Variants in SERAC1 observed in about 807,000 individuals in gnomAD.
SERAC1 encodes serine active site containing 1, also known as protein SERAC1.
A neutral mutation model predicts 85.7 loss-of-function variants in SERAC1; 36 were observed. The ratio of observed to expected loss-of-function variants is 0.42; its 90% confidence interval spans 0.32 to 0.55. The LOEUF is 0.55. Ranked by LOEUF, SERAC1 falls within the 20% of genes least tolerant of loss-of-function variation. The probability of loss-of-function intolerance (pLI) is 0.11; values close to 1 mark genes in which losing one functional copy is unlikely to be tolerated. For synonymous variants in SERAC1, 242 were observed against 265.3 expected, an observed-to-expected ratio of 0.91 and a Z score of 0.85; for missense variants, 629 against 796.2, an observed-to-expected ratio of 0.79 and a Z score of 2.53.
At position 158,109,770 on chromosome 6, in the gene SERAC1, T is replaced by C. The variant is rs981171626; in HGVS notation, c.*1596A>G. On this transcript the variant is annotated 3_prime_UTR_variant, in exon 17 of 17. Coordinates refer to ENST00000647468, the MANE Select transcript of SERAC1 (RefSeq NM_032861.4). ...ACCTAGATGTCCATCAGCTGATGAA[T>C]GGATAAAGAAACATGGCATATCATA... The C allele has an allele frequency of 6.6e-6, 1 of 152,120 alleles. No individual in the cohort carries two copies. The highest frequency in any genetic ancestry group is 2.4e-5 in the African/African-American group (1 of 41,398). 9.4% of individuals were successfully genotyped at this position (152,120 alleles called of 1,614,324 possible). A position where few individuals can be genotyped will look rare whatever the true frequency, so the allele number is the denominator to read the frequency against.
In SERAC1 at chr6:158,124,768, CACACACACACACACACACACAT is replaced by C. The variant is rs1317821495; in HGVS notation, c.1015+3318_1015+3339del. On this transcript the variant is annotated intron_variant, in intron 10 of 16. Transcript: ENST00000647468. ...TGGAAAACACACACACACACACACA[CACACACACACACACACACACAT>C]ACACACTCAACAAAGAATACTTTAT... 4.6e-3 allele frequency among the ~76,000 whole-genome samples: 579 copies of C among 126,550 alleles called. 5 individuals are homozygous for C. The highest frequency in any genetic ancestry group is 0.017 in the African/African-American group (551 of 31,672). The allele number at this position is 126,550 out of a possible 152,430, so 83.0% of individuals were successfully genotyped here.
At chr6:158,129,668 G>A (rs1272200375) in intron 9 of SERAC1, among the ~76,000 whole-genome samples, 1 of 151,050 alleles carries the variant, frequency 6.6e-6, no homozygotes, top group Non-Finnish European at 1.5e-5. Context: ...CAAGAGTATA[G>A]TCATCTAATA....
intron 2 of SERAC1, among the ~76,000 whole-genome samples, 180 bp downstream of exon 2, chr6:158,158,092 GA>G (rs1218166962): frequency 6.6e-6 from 1 of 152,134 alleles, no homozygotes; most frequent in Non-Finnish European, 1.5e-5. Flanking sequence ...TAATTCTCAA[GA>G]AAAAGGAGTA....
chr6:158,156,816 ATAATATAT>A (rs1376180927), intron 2 of SERAC1, among the ~76,000 whole-genome samples: 2 of 138,294 alleles, frequency 1.4e-5, no homozygotes, highest in African/African-American at 2.7e-5. Context: ...ATATATTTAT[ATAATATAT>A]TAATATATTA....
rs1784315703 is a variant in SERAC1, at chr6:158,117,422, AC to A, written c.1403+304del. 1.0e-5 allele frequency: 13 copies of A among 1,241,368 alleles called. No homozygotes were observed. The highest frequency in any genetic ancestry group is 2.6e-5 in the East Asian group (1 of 39,192). 76.9% of individuals were successfully genotyped at this position (1,241,368 alleles called of 1,614,324 possible). A position where few individuals can be genotyped will look rare whatever the true frequency, so the allele number is the denominator to read the frequency against. On this transcript the variant is annotated intron_variant, in intron 13 of 16. Coordinates refer to ENST00000647468, the MANE Select transcript of SERAC1 (RefSeq NM_032861.4). This position sits in a 1 kb window ranked among gnomAD's most constrained non-coding sequence, Gnocchi z 4.3. ...TGATTGTGGACACAAGAACAAAAAA[AC>A]ATCACTTTTACTTCTGATAGAAAAG... is the stretch of plus-strand genomic sequence containing the variant.
At chr6:158,149,074 C>T (rs1048613033) in intron 4 of SERAC1, 120 bp from the exon 5 acceptor site, 2 of 654,642 alleles carry the variant, frequency 3.1e-6, no homozygotes, top group African/African-American at 1.9e-5. Context: ...ACTGCAAGCT[C>T]TGCCTCCCGG....
At chr6:158,132,345 T>A (rs1028044792) in intron 8 of SERAC1, among the ~76,000 whole-genome samples, 1 of 152,186 alleles carries the variant, frequency 6.6e-6, no homozygotes, top group Non-Finnish European at 1.5e-5. Context: ...ATAATATTAT[T>A]TTTTTCTAAA....
intron 5 of SERAC1, among the ~76,000 whole-genome samples, chr6:158,148,343 T>C (rs1187278700): frequency 6.6e-6 from 1 of 152,186 alleles, no homozygotes; most frequent in Non-Finnish European, 1.5e-5. Context: ...ATAGGGTATA[T>C]TTTATCTCCA....
intron 13 of SERAC1, chr6:158,116,523 C>T (rs1784294557): frequency 2.2e-6 from 1 of 447,060 alleles, no homozygotes; most frequent in East Asian, 4.1e-5. Flanking sequence ...TAGGCATGAG[C>T]CACCACGCCT....
At chr6:158,137,678 C>G (rs1367332774) in intron 8 of SERAC1, among the ~76,000 whole-genome samples, 1 of 152,036 alleles carries the variant, frequency 6.6e-6, no homozygotes, top group Non-Finnish European at 1.5e-5. Flanking sequence ...GAGTTCGAGA[C>G]CAGCCTGGGC....
In SERAC1 at chr6:158,119,915, A is replaced by T. The variant is rs1208870026; in HGVS notation, c.1166+510T>A. ...TATACAACTAGATATAATGACCACA[A>T]ATAACCTTAAGAAGGGGCATGAGTC... On this transcript the variant is annotated intron_variant, in intron 11 of 16. Coordinates refer to ENST00000647468, the MANE Select transcript of SERAC1 (RefSeq NM_032861.4). This position sits in a 1 kb window ranked among gnomAD's most constrained non-coding sequence, Gnocchi z 4.5. 6.6e-6 allele frequency among the ~76,000 whole-genome samples: 1 copy of T among 152,210 alleles called. No individual in the cohort carries two copies. The highest frequency in any genetic ancestry group is 3.2e-3 in the Middle Eastern group (1 of 316).
intron 2 of SERAC1, among the ~76,000 whole-genome samples, chr6:158,155,744 G>C (rs964163660): frequency 7.2e-5 from 11 of 152,120 alleles, no homozygotes; most frequent in Non-Finnish European, 1.3e-4. Context: ...ATCACTACTA[G>C]GACTATACTG....
At chr6:158,150,627 A>C in intron 3 of SERAC1, 38 bp from the exon 4 acceptor site, 2 of 1,365,574 alleles carry the variant, frequency 1.5e-6, no homozygotes, top group African/African-American at 1.4e-5. Context: ...TAAATAGACA[A>C]TCAAAATGTA....
At chr6:158,115,597 C>T (rs963887136) in intron 14 of SERAC1, among the ~76,000 whole-genome samples, 4 of 152,176 alleles carry the variant, frequency 2.6e-5, no homozygotes, top group Non-Finnish European at 5.9e-5. Flanking sequence ...AACTAGGCCA[C>T]GGGCTGCAGA....
intron 6 of SERAC1, chr6:158,145,915 A>G (rs894296894): frequency 2.8e-4 from 42 of 152,310 alleles, no homozygotes; most frequent in African/African-American, 9.9e-4. Flanking sequence ...CAGAGAAGAT[A>G]TGAGTTCTTT....
chr6:158,125,333 A>C (rs1332067584), intron 10 of SERAC1, among the ~76,000 whole-genome samples: 2 of 152,228 alleles, frequency 1.3e-5, no homozygotes, highest in Non-Finnish European at 2.9e-5. Flanking sequence ...AAATTTTTAA[A>C]TAAAAAAATA....
chr6:158,114,701 T>TAATACATTCAAGGAATATAAAATGAGAA, intron 15 of SERAC1, 88 bp downstream of exon 15: 4 of 1,592,180 alleles, frequency 2.5e-6, no homozygotes, highest in Non-Finnish European at 3.4e-6. Context: ...TAAAATGAGA[T>TAATACATTCAAGGAATATAAAATGAGAA]AATACATTCA....
intron 15 of SERAC1, 89 bp downstream of exon 15, chr6:158,114,700 A>ATAATACATTCAAGGAATATAAAATGAGG (rs748054392): frequency 6.3e-7 from 1 of 1,591,792 alleles, no homozygotes; most frequent in Non-Finnish European, 8.6e-7. Flanking sequence ...ATAAAATGAG[A>ATAATACATTCAAGGAATATAAAATGAGG]TAATACATTC....
chr6:158,127,050 CA>C (rs35185078), intron 10 of SERAC1, among the ~76,000 whole-genome samples: 104,651 of 143,800 alleles, frequency 0.73, 37,371 homozygotes, highest in Admixed American at 0.81. Context: ...GAGATTCTCT[CA>C]AAAAAAAAAA....
Sources: gnomAD v4.1 joint callset for allele counts (sites outside exome capture counted in the v4.1 genomes callset) on GRCh38, gnomAD v4.1.1 for gene constraint, Gnocchi (gnomAD v3.1) non-coding constraint, MANE v1.5 for transcripts, NCBI Gene and HGNC (gene_info 2026-07-23, HGNC 2026-07-21) for gene names.